RFX8: variants seen among roughly 807,000 people sequenced by gnomAD.
RFX8 encodes regulatory factor X8.
RFX8 carries 46 observed loss-of-function variants against 54.6 expected under a neutral mutation model. The ratio of observed to expected loss-of-function variants is 0.84; its 90% CI spans 0.67 to 1.08. RFX8 has a LOEUF of 1.08. Among genes scored for constraint, RFX8 ranks in the 50% least tolerant of loss-of-function variants. The probability of loss-of-function intolerance (pLI) is 0.00; values close to 1 mark genes in which losing one functional copy is unlikely to be tolerated. For missense variants in RFX8, 536 were observed against 562.3 expected (o/e 0.95, Z 0.47); for synonymous variants, 192 against 209.5 (o/e 0.92, Z 0.72).
intron 2 of RFX8, among the ~76,000 whole-genome samples, chr2:101,455,159 C>T (rs1161465973): frequency 3.3e-5 from 5 of 151,942 alleles, no homozygotes; most frequent in East Asian, 1.9e-4. Context: ...TATAGGCACC[C>T]GCCACCACAC....
intron 9 of RFX8, among the ~76,000 whole-genome samples, chr2:101,408,755 T>C (rs1685908589): frequency 6.6e-6 from 1 of 152,270 alleles, no homozygotes; most frequent in East Asian, 1.9e-4. Context: ...GGGTTGGAAC[T>C]GGCTTTCCAG....
rs374769809 is a variant in RFX8, at chr2:101,402,704, A to G, written c.977T>C (p.Ile326Thr). Residue 326 changes from isoleucine (I) to threonine (T), a missense_variant, in exon 11 of 12, where the codon ATA becomes ACA. Transcript: ENST00000428343. ...TTCCTCCTCTAGGCATGACTGAAGT[A>G]TATGAATCATATATTCCAAAAGCAA... ...HLLLLEYMIHILQSCLEEEEE... is the reference protein window; with the variant it reads ...HLLLLEYMIHTLQSCLEEEEE... The G allele has an allele frequency of 1.3e-6, 2 of 1,552,506 alleles. No individual in the cohort carries two copies. Among genetic ancestry groups the G allele is most frequent in the South Asian group, 1.2e-5 (1 of 84,102 alleles).
At chr2:101,463,380 A>G (rs2148990356) in intron 2 of RFX8, among the ~76,000 whole-genome samples, 1 of 152,296 alleles carries the variant, frequency 6.6e-6, no homozygotes, top group South Asian at 2.1e-4. Flanking sequence ...GAGAGGCCTC[A>G]GACTCCTGGT....
chr2:101,465,346 A>G (rs1689513312), intron 2 of RFX8, among the ~76,000 whole-genome samples: 1 of 152,098 alleles, frequency 6.6e-6, no homozygotes, highest in Admixed American at 6.6e-5. Flanking sequence ...CTCTACTAAA[A>G]TAAAATACAA....
intron 11 of RFX8, among the ~76,000 whole-genome samples, chr2:101,399,326 G>C (rs764054679): frequency 9.2e-5 from 14 of 152,170 alleles, no homozygotes; most frequent in Non-Finnish European, 1.5e-4. Context: ...ATGAAAATCA[G>C]ATGAGCGTAA....
chr2:101,440,389 A>G (rs963541112), intron 2 of RFX8, among the ~76,000 whole-genome samples: 1 of 152,194 alleles, frequency 6.6e-6, no homozygotes, highest in East Asian at 1.9e-4. Context: ...GTTTATGCTG[A>G]ACACCTGCTT....
intron 9 of RFX8, among the ~76,000 whole-genome samples, chr2:101,408,240 C>G (rs2104534215): frequency 6.6e-6 from 1 of 152,146 alleles, no homozygotes; most frequent in East Asian, 1.9e-4. Flanking sequence ...AATCCCAGCA[C>G]TTTGGGAGGC....
chr2:101,474,246 C>A, intron 1 of RFX8: 1 of 613,306 alleles, frequency 1.6e-6, no homozygotes, highest in Non-Finnish European at 2.9e-6. Flanking sequence ...CCTCGCCGCT[C>A]GACGGCGAGG....
At chr2:101,399,796 T>C (rs1401166512) in intron 11 of RFX8, among the ~76,000 whole-genome samples, 1 of 151,308 alleles carries the variant, frequency 6.6e-6, no homozygotes, top group Non-Finnish European at 1.5e-5. Flanking sequence ...AAGTAGAATT[T>C]GAACCCAGAA....
intron 2 of RFX8, among the ~76,000 whole-genome samples, chr2:101,425,039 G>GA (rs70943082): frequency 0.93 from 138,590 of 149,712 alleles, 64,586 homozygotes; most frequent in Non-Finnish European, 0.99. Context: ...ATTTGAAACA[G>GA]AAAAAAAAAA....
intron 8 of RFX8, among the ~76,000 whole-genome samples, chr2:101,411,040 C>T (rs1343560665): frequency 1.3e-5 from 2 of 152,242 alleles, no homozygotes; most frequent in South Asian, 2.1e-4. Context: ...ACAGACATGA[C>T]CTCACCTATC....
At chr2:101,469,113 T>C (rs1373984524) in intron 1 of RFX8, among the ~76,000 whole-genome samples, 3 of 120,992 alleles carry the variant, frequency 2.5e-5, no homozygotes, top group African/African-American at 9.7e-5. Flanking sequence ...TATAAGTGTA[T>C]ATATATATAA....
intron 2 of RFX8, among the ~76,000 whole-genome samples, chr2:101,445,952 AT>A (rs1262301673): frequency 6.6e-6 from 1 of 152,182 alleles, no homozygotes; most frequent in Non-Finnish European, 1.5e-5. Context: ...TTTAAGAGGA[AT>A]TTGTCACACA....
chr2:101,425,434 T>C (rs1299524549), intron 2 of RFX8, among the ~76,000 whole-genome samples: 1 of 152,184 alleles, frequency 6.6e-6, no homozygotes, highest in East Asian at 1.9e-4. Context: ...TGTTGAGAAC[T>C]GCAGCTTTAG....
intron 2 of RFX8, among the ~76,000 whole-genome samples, chr2:101,462,745 C>T (rs981701798): frequency 6.6e-6 from 1 of 152,124 alleles, no homozygotes; most frequent in Admixed American, 6.5e-5. Context: ...CCCAGGGTTA[C>T]AATCTAAGAA....
At chr2:101,469,257 G>A in intron 1 of RFX8, among the ~76,000 whole-genome samples, 1 of 149,796 alleles carries the variant, frequency 6.7e-6, no homozygotes, top group Non-Finnish European at 1.5e-5. Context: ...TGGGCTCAAG[G>A]GATCCTCCTG....
chr2:101,467,562 C>T (rs998354685), intron 1 of RFX8, among the ~76,000 whole-genome samples: 19 of 152,332 alleles, frequency 1.2e-4, no homozygotes, highest in African/African-American at 3.6e-4. Flanking sequence ...TGGTACAGAG[C>T]CAGAGCAGCA....
chr2:101,467,230 G>A (rs1401804601), intron 1 of RFX8, among the ~76,000 whole-genome samples: 2 of 152,154 alleles, frequency 1.3e-5, no homozygotes, highest in African/African-American at 4.8e-5. Flanking sequence ...CTTTACAAAG[G>A]TTACAGCCAA....
intron 1 of RFX8, among the ~76,000 whole-genome samples, chr2:101,467,524 A>C (rs549913043): frequency 7.1e-4 from 108 of 152,368 alleles, no homozygotes; most frequent in African/African-American, 2.6e-3. Context: ...AGAGAGGCAG[A>C]GTGCTTTTGC....
Sources: allele counts gnomAD v4.1 joint callset (sites outside exome capture counted in the v4.1 genomes callset), GRCh38; gene constraint gnomAD v4.1.1; transcripts MANE v1.5; gene names NCBI Gene and HGNC (gene_info 2026-07-23, HGNC 2026-07-21).